Variants in ADAM18 observed in about 807,000 individuals in gnomAD.
ADAM18 encodes ADAM metallopeptidase domain 18.
A neutral mutation model predicts 94.4 loss-of-function variants in ADAM18; 117 were observed. The observed-to-expected ratio is 1.24, with a 90% CI of 1.07 to 1.45. The LOEUF (loss-of-function observed/expected upper bound fraction) is 1.45. ADAM18 is among the 40% of genes most tolerant of loss of function. The pLI is 0.00. For synonymous variants in ADAM18, 327 were observed against 291.6 expected (o/e 1.12, Z -1.24); for missense variants, 936 against 880.0 (o/e 1.06, Z -0.81).
In ADAM18 at chr8:39,594,772, C is replaced by T. The variant is rs545263688; in HGVS notation, c.132+9420C>T. On this transcript the variant is annotated intron_variant, in intron 2 of 19. Coordinates refer to ENST00000265707, the MANE Select transcript of ADAM18 (RefSeq NM_014237.3). ...TTTCCTTTAGTTTTCAGAAATTGAA[C>T]TATGATGCATTTTGCTGTGAGTTTT... Among the ~76,000 whole-genome samples the T allele has an allele frequency of 1.8e-4, 22 of 119,140 alleles. No individual in the cohort carries two copies. The South Asian group carries it at 5.7e-3, about 31-fold the overall frequency. 78.2% of individuals were successfully genotyped at this position (119,140 alleles called of 152,430 possible). A position where few individuals can be genotyped will look rare whatever the true frequency, so the allele number is the denominator to read the frequency against.
intron 18 of ADAM18, among the ~76,000 whole-genome samples, chr8:39,707,969 G>A (rs148165690): frequency 2.6e-5 from 4 of 152,186 alleles, no homozygotes; most frequent in East Asian, 1.9e-4. Context: ...GCACTGTAAC[G>A]GCGTAACAGT....
chr8:39,637,499 T>C, intron 8 of ADAM18, 38 bp from the exon 9 acceptor site: 11 of 1,525,218 alleles, frequency 7.2e-6, no homozygotes, highest in Non-Finnish European at 9.8e-6. Flanking sequence ...ATGTAATAAC[T>C]TGTTTCTTTA....
intron 12 of ADAM18, among the ~76,000 whole-genome samples, chr8:39,660,264 G>A (rs1820800866): frequency 1.3e-5 from 2 of 152,092 alleles, no homozygotes; most frequent in South Asian, 4.1e-4. Context: ...TAGTTACTTT[G>A]ACTATAAATG....
intron 2 of ADAM18, among the ~76,000 whole-genome samples, chr8:39,595,828 C>A (rs1325755289): frequency 1.3e-5 from 2 of 152,104 alleles, no homozygotes; most frequent in Non-Finnish European, 2.9e-5. Flanking sequence ...CCGGCCTGAA[C>A]TAGTTATTGC....
chr8:39,705,720 G>A (rs1025330507), intron 17 of ADAM18, among the ~76,000 whole-genome samples: 7 of 152,050 alleles, frequency 4.6e-5, no homozygotes, highest in Non-Finnish European at 7.4e-5. Flanking sequence ...GTAGAAAAGA[G>A]GTAATCAATT....
rs1246777253 is a variant in ADAM18 at position 39,680,128 on chromosome 8, G to T, written c.1723G>T (p.Asp575Tyr). The change falls in exon 16 of 20, where the codon GAC becomes TAC. Residue 575 changes from aspartate (D) to tyrosine (Y), a missense_variant. Coordinates refer to ENST00000265707, the MANE Select transcript of ADAM18 (RefSeq NM_014237.3). ...AQSTVYSYIQ[D>Y]HVCVSIATGS... Reference sequence around the variant, plus strand: ...ATCTACAGTTTATTCATATATTCAAGACCATGTATGTGTATCTATAGCCAC... The same window carrying T: ...ATCTACAGTTTATTCATATATTCAATACCATGTATGTGTATCTATAGCCAC... 1 of 1,613,658 alleles carries T rather than the reference G, an allele frequency of 6.2e-7. No homozygotes were observed. The highest frequency in any genetic ancestry group is 1.3e-5 in the African/African-American group (1 of 74,896).
intron 17 of ADAM18, among the ~76,000 whole-genome samples, chr8:39,700,064 T>C (rs1400989491): frequency 1.3e-5 from 2 of 152,214 alleles, no homozygotes; most frequent in East Asian, 3.8e-4. Flanking sequence ...TATCTGTGTG[T>C]GATTTATGCC....
chr8:39,676,835 C>T (rs980940299), intron 14 of ADAM18, among the ~76,000 whole-genome samples: 2 of 152,230 alleles, frequency 1.3e-5, no homozygotes, highest in African/African-American at 4.8e-5. Flanking sequence ...TTTACATTCA[C>T]ATAGAGTGGA....
intron 2 of ADAM18, among the ~76,000 whole-genome samples, chr8:39,598,217 A>G (rs1818797595): frequency 6.6e-6 from 1 of 151,984 alleles, no homozygotes; most frequent in East Asian, 1.9e-4. Flanking sequence ...ATCTATGAAC[A>G]AAGACAGTTT....
In ADAM18 at chr8:39,671,613, T is replaced by C. The variant is rs556773407; in HGVS notation, c.1525+3417T>C. Among the ~76,000 whole-genome samples the C allele has an allele frequency of 1.1e-4, 16 of 152,266 alleles. No homozygotes were observed. In the South Asian group the frequency reaches 2.9e-3, roughly 28 times the overall value. On this transcript the variant is annotated intron_variant, in intron 14 of 19. Transcript: ENST00000265707. ...GGACCTACCCTTGGGATGGAGACAA[T>C]TGAAAATATGACTACCCTAATTTTG...
chr8:39,684,472 G>A (rs139862281), intron 16 of ADAM18, among the ~76,000 whole-genome samples: 10 of 152,288 alleles, frequency 6.6e-5, no homozygotes, highest in African/African-American at 2.4e-4. Flanking sequence ...ACTGGGCCCC[G>A]AGGGCTCTGG....
chr8:39,647,901 A>T (rs909001366), intron 11 of ADAM18, among the ~76,000 whole-genome samples: 1 of 152,198 alleles, frequency 6.6e-6, no homozygotes, highest in African/African-American at 2.4e-5. Context: ...CAGCAAAGCA[A>T]TTGTTTAAGG....
At chr8:39,663,747 C>A (rs758065947) in intron 12 of ADAM18, 48 bp from the exon 13 acceptor site, 3 of 1,253,062 alleles carry the variant, frequency 2.4e-6, no homozygotes, top group African/African-American at 1.5e-5. Flanking sequence ...GAAACAAGAG[C>A]TTTTAAGTGG....
At chr8:39,622,002 G>T (rs1819629031) in intron 6 of ADAM18, among the ~76,000 whole-genome samples, 1 of 152,096 alleles carries the variant, frequency 6.6e-6, no homozygotes, top group Non-Finnish European at 1.5e-5. Flanking sequence ...GTGATGGGAT[G>T]ATCTGAGCAG....
At chr8:39,646,212 T>C (rs1000245324) in intron 11 of ADAM18, among the ~76,000 whole-genome samples, 3 of 152,152 alleles carry the variant, frequency 2.0e-5, no homozygotes, top group Non-Finnish European at 4.4e-5. Flanking sequence ...TCTGAGACGA[T>C]TGTCTAACAT....
chr8:39,612,288 C>G (rs558311357), intron 6 of ADAM18, among the ~76,000 whole-genome samples: 2 of 152,208 alleles, frequency 1.3e-5, no homozygotes, highest in East Asian at 3.9e-4. Context: ...GATGTAGACC[C>G]TGTGCTGAAT....
Position 39,675,175 on chromosome 8 carries a change from T to C in ADAM18, c.1526-2256T>C, listed in dbSNP as rs528182723. On this transcript the variant is annotated intron_variant, in intron 14 of 19. Transcript: ENST00000265707. The stretch of plus-strand genomic sequence containing the variant: ...TGAATTTGAATGTTGGCCTGTCTTG[T>C]TAGGTTGGGGAAGTTCTCCTGCCTA... Among the ~76,000 whole-genome samples the C allele has an allele frequency of 2.0e-5, 3 of 152,308 alleles. No homozygotes were observed. The South Asian group carries it at 6.2e-4, about 32-fold the overall frequency.
Position 39,680,235 on chromosome 8 carries a change from A to G in ADAM18, c.1821+9A>G. 6.2e-7 allele frequency: 1 copy of G among 1,604,866 alleles called. No individual in the cohort carries two copies. The highest frequency in any genetic ancestry group is 8.5e-7 in the Non-Finnish European group (1 of 1,176,522). On this transcript the variant is annotated intron_variant, in intron 16 of 19. Transcript: ENST00000265707. ...TGTGTGGTCCAGAAATGGTAACAAA[A>G]TGTGATAATTTATATTCAGCTGTGT...
intron 18 of ADAM18, among the ~76,000 whole-genome samples, chr8:39,711,030 G>T (rs1443176902): frequency 1.3e-5 from 2 of 152,164 alleles, no homozygotes; most frequent in Non-Finnish European, 2.9e-5. Flanking sequence ...CTGAATAGAA[G>T]AGTTAAGAGT....
Sources: allele counts gnomAD v4.1 joint callset (sites outside exome capture counted in the v4.1 genomes callset), GRCh38; gene constraint gnomAD v4.1.1; transcripts MANE v1.5; gene names NCBI Gene and HGNC (gene_info 2026-07-23, HGNC 2026-07-21).